Variants in EMSY observed in about 807,000 individuals in gnomAD.
EMSY encodes EMSY transcriptional repressor, BRCA2 interacting.
EMSY carries 26 observed loss-of-function variants against 134.6 expected under a neutral mutation model. That is an observed-to-expected ratio of 0.19 (90% CI 0.14 to 0.27). The LOEUF (loss-of-function observed/expected upper bound fraction) is 0.27, where lower values mean the gene tolerates loss of function less well. Among genes scored for constraint, EMSY ranks in the 10% least tolerant of loss-of-function variants. EMSY has a pLI of 1.00. For missense variants in EMSY, 1,305 were observed against 1,611.4 expected, an observed-to-expected ratio of 0.81 and a Z score of 3.26; for synonymous variants, 579 against 577.8, an observed-to-expected ratio of 1.00 and a Z score of -0.03.
At chr11:76,455,529 T>C (rs1024675614) in intron 4 of EMSY, among the ~76,000 whole-genome samples, 4 of 152,094 alleles carry the variant, frequency 2.6e-5, no homozygotes, top group Admixed American at 2.0e-4. Context: ...GCGCCTGAAC[T>C]GACTGCATTC....
chr11:76,463,545 C>G (rs1389211464), intron 6 of EMSY, among the ~76,000 whole-genome samples: 1 of 151,294 alleles, frequency 6.6e-6, no homozygotes, highest in Non-Finnish European at 1.5e-5. Context: ...ATGGCGTGAA[C>G]CCGGGAAGCG....
chr11:76,451,798 C>G, intron 2 of EMSY, 60 bp from the exon 3 acceptor site: 1 of 1,057,930 alleles, frequency 9.5e-7, no homozygotes, highest in Admixed American at 3.4e-5. Flanking sequence ...TTTCACTATA[C>G]ATAGCCATAG....
chr11:76,494,988 A>T (rs148336478), intron 8 of EMSY, among the ~76,000 whole-genome samples: 2,794 of 152,278 alleles, frequency 0.018, 36 homozygotes, highest in Non-Finnish European at 0.028. Flanking sequence ...CGCCTGCCTC[A>T]GCCTCCCAAA....
chr11:76,542,115 C>A (rs887744293), intron 17 of EMSY, 101 bp from the exon 19 acceptor site: 6 of 1,455,182 alleles, frequency 4.1e-6, no homozygotes, highest in Non-Finnish European at 5.8e-6. Flanking sequence ...ACTACACTTT[C>A]TTTCTGTGAT....
At chr11:76,499,901 A>AT (rs1447766277) in intron 9 of EMSY, among the ~76,000 whole-genome samples, 1 of 151,904 alleles carries the variant, frequency 6.6e-6, no homozygotes, top group Non-Finnish European at 1.5e-5. Flanking sequence ...TGTAGAGACC[A>AT]TTTTTTGGTC....
At chr11:76,508,034 T>C (rs1950145353) in intron 9 of EMSY, among the ~76,000 whole-genome samples, 1 of 151,892 alleles carries the variant, frequency 6.6e-6, no homozygotes, top group South Asian at 2.1e-4. Context: ...CCTGGCTAAT[T>C]TTTTTAAAAA....
chr11:76,514,880 AG>A (rs1388125381), intron 10 of EMSY, among the ~76,000 whole-genome samples: 2 of 152,146 alleles, frequency 1.3e-5, no homozygotes, highest in African/African-American at 4.8e-5. Flanking sequence ...AATAGATAAC[AG>A]TGTTATGCAT....
chr11:76,493,103 T>C (rs1949490909), intron 8 of EMSY, among the ~76,000 whole-genome samples: 1 of 152,156 alleles, frequency 6.6e-6, no homozygotes, highest in African/African-American at 2.4e-5. Flanking sequence ...CTGCTCCTGC[T>C]GCCTGGCCTC....
chr11:76,546,906 G>A (rs1951674397), intron 20 of EMSY: 1 of 280,666 alleles, frequency 3.6e-6, no homozygotes, highest in African/African-American at 2.3e-5. Context: ...AAAAAATCTT[G>A]TTTGGTTTCT....
At chr11:76,528,302 C>T (rs2136369398) in exon 14 of EMSY, 3 of 1,613,596 alleles carry the variant, frequency 1.9e-6, no homozygotes, top group South Asian at 1.1e-5. Flanking sequence ...ACTTTTCAAG[C>T]GACAGTTGTT....
At chr11:76,487,442 C>T (rs1329915041) in intron 8 of EMSY, among the ~76,000 whole-genome samples, 7 of 152,234 alleles carry the variant, frequency 4.6e-5, no homozygotes, top group Non-Finnish European at 1.0e-4. Context: ...TCTGGTGATA[C>T]TACTGTGCTG....
rs950389243 is a variant in EMSY, at chr11:76,510,926, T to A, written c.1364-2460T>A. On this transcript the variant is annotated intron_variant, in intron 9 of 20. Transcript: ENST00000334736. ...GGTTTAAATACCACAGATTTTGCCT[T>A]TCTCAATGAATTTTTTGAGATTTTA... Among the ~76,000 whole-genome samples, 73 of 152,224 alleles carry A rather than the reference T, an allele frequency of 4.8e-4. 1 individual carries two copies. The highest frequency in any genetic ancestry group is 9.6e-5 in the African/African-American group (4 of 41,462).
At chr11:76,492,590 C>T (rs143658737) in intron 8 of EMSY, among the ~76,000 whole-genome samples, 13 of 152,334 alleles carry the variant, frequency 8.5e-5, no homozygotes, top group East Asian at 3.9e-4. Flanking sequence ...GTGATGGCAG[C>T]GGTGGCCCAT....
chr11:76,498,315 A>G (rs749039370), intron 9 of EMSY, among the ~76,000 whole-genome samples: 11 of 152,238 alleles, frequency 7.2e-5, no homozygotes, highest in Non-Finnish European at 1.3e-4. Context: ...GGAGTATTCT[A>G]TATATGTATA....
chr11:76,551,089 C>G (rs1951823262), exon 21 of EMSY: 1 of 152,688 alleles, frequency 6.5e-6, no homozygotes, highest in African/African-American at 2.4e-5. Context: ...TTGAAAATAA[C>G]TTTTACATAC....
At chr11:76,447,252 A>G (rs1047752061) in intron 2 of EMSY, among the ~76,000 whole-genome samples, 2 of 152,200 alleles carry the variant, frequency 1.3e-5, no homozygotes, top group Non-Finnish European at 2.9e-5. Context: ...GGCTATTCTG[A>G]GTCTTTTTTA....
exon 21 of EMSY, chr11:76,550,008 C>A (rs748093251): frequency 1.2e-6 from 2 of 1,613,718 alleles, no homozygotes; most frequent in Middle Eastern, 3.3e-4. Context: ...TGGTGGAGCC[C>A]AGTGGGCTTC....
intron 16 of EMSY, among the ~76,000 whole-genome samples, chr11:76,538,854 A>G (rs942900882): frequency 1.3e-5 from 2 of 152,088 alleles, no homozygotes; most frequent in African/African-American, 2.4e-5. Context: ...GCTACTCGGG[A>G]GGCTGAGTCA....
intron 8 of EMSY, among the ~76,000 whole-genome samples, chr11:76,474,685 A>G (rs975200159): frequency 5.3e-5 from 8 of 152,198 alleles, no homozygotes; most frequent in African/African-American, 1.9e-4. Context: ...ATTTCCTTTT[A>G]TGTTACCTTA....
Sources: allele counts gnomAD v4.1 joint callset (sites outside exome capture counted in the v4.1 genomes callset), GRCh38; gene constraint gnomAD v4.1.1; transcripts MANE v1.5; gene names NCBI Gene and HGNC (gene_info 2026-07-23, HGNC 2026-07-21).